The following PABPC4L variants were observed in gnomAD, a reference collection of about 807,000 sequenced individuals.
PABPC4L encodes the protein poly(A) binding protein cytoplasmic 4 like, also known as polyadenylate-binding protein 4-like.
For missense variants in PABPC4L, 452 were observed against 451.4 expected, an observed-to-expected ratio of 1.00 and a Z score of -0.01; for synonymous variants, 169 against 164.1, an observed-to-expected ratio of 1.03 and a Z score of -0.23.
At chr4:134,108,502 A>G in the PABPC4L span, among the ~76,000 whole-genome samples, 1 of 151,934 alleles carries the variant, frequency 6.6e-6, no homozygotes, top group African/African-American at 2.4e-5. Context: ...GACCAATTCA[A>G]GAATAAAAAT....
the PABPC4L span, among the ~76,000 whole-genome samples, chr4:133,966,433 G>A: frequency 9.8e-5 from 15 of 152,286 alleles, no homozygotes; most frequent in East Asian, 2.7e-3. Flanking sequence ...ACTACCATTT[G>A]AACCAGCAAT....
At chr4:134,138,198 C>T in the PABPC4L span, among the ~76,000 whole-genome samples, 1 of 151,752 alleles carries the variant, frequency 6.6e-6, no homozygotes, top group South Asian at 2.1e-4. Context: ...TATCTACTTT[C>T]TGACTTATTA....
At chr4:134,151,465 G>A in the PABPC4L span, among the ~76,000 whole-genome samples, 1 of 151,890 alleles carries the variant, frequency 6.6e-6, no homozygotes, top group Non-Finnish European at 1.5e-5. Flanking sequence ...GAGAGGTGTG[G>A]AAAACTTTTC....
chr4:134,130,566 G>A, the PABPC4L span, among the ~76,000 whole-genome samples: 1 of 151,840 alleles, frequency 6.6e-6, no homozygotes, highest in South Asian at 2.1e-4. Flanking sequence ...AAAAGGCCAG[G>A]CCCAGAGAGA....
At chr4:134,089,149 A>G in the PABPC4L span, among the ~76,000 whole-genome samples, 7 of 152,104 alleles carry the variant, frequency 4.6e-5, no homozygotes, top group Non-Finnish European at 7.4e-5. Flanking sequence ...GCTAATAGTA[A>G]CTAAAGTTTG....
the PABPC4L span, among the ~76,000 whole-genome samples, chr4:133,949,118 G>C: frequency 6.6e-6 from 1 of 152,050 alleles, no homozygotes; most frequent in African/African-American, 2.4e-5. Flanking sequence ...GTGGCATGGG[G>C]GCCCTTATAT....
chr4:133,990,706 C>A, the PABPC4L span, among the ~76,000 whole-genome samples: 1 of 152,248 alleles, frequency 6.6e-6, no homozygotes, highest in East Asian at 1.9e-4. Context: ...TTGGTGCAAA[C>A]ACAATTTGTG....
chr4:134,149,146 C>T, the PABPC4L span, among the ~76,000 whole-genome samples: 4 of 152,050 alleles, frequency 2.6e-5, no homozygotes, highest in Non-Finnish European at 5.9e-5. Flanking sequence ...ATTAATCAGT[C>T]AATGTGTTAA....
the PABPC4L span, among the ~76,000 whole-genome samples, chr4:134,079,011 G>A: frequency 2.5e-5 from 3 of 119,880 alleles, no homozygotes; most frequent in East Asian, 7.8e-4. Flanking sequence ...TTGCTCTGTC[G>A]CCCAGGCTGG....
the PABPC4L span, among the ~76,000 whole-genome samples, chr4:134,061,846 GAAGAAAGA>G: frequency 6.6e-6 from 1 of 150,832 alleles, no homozygotes; most frequent in African/African-American, 2.4e-5. Flanking sequence ...AAAAGAAAAA[GAAGAAAGA>G]AGGAAAGAAA....
At chr4:134,144,733 T>C in the PABPC4L span, among the ~76,000 whole-genome samples, 1 of 151,792 alleles carries the variant, frequency 6.6e-6, no homozygotes, top group African/African-American at 2.4e-5. Context: ...TGCCTTTAGA[T>C]CTATTTTCAT....
the PABPC4L span, among the ~76,000 whole-genome samples, chr4:134,044,251 A>G: frequency 6.6e-6 from 1 of 150,958 alleles, no homozygotes; most frequent in Admixed American, 6.6e-5. Context: ...AATTTAATAT[A>G]TTTTACTTTT....
At chr4:134,171,998 T>A in the PABPC4L span, among the ~76,000 whole-genome samples, 2 of 151,722 alleles carry the variant, frequency 1.3e-5, no homozygotes, top group African/African-American at 4.8e-5. Flanking sequence ...TACAAACCAG[T>A]GCTCAAAAAA....
the PABPC4L span, among the ~76,000 whole-genome samples, chr4:134,127,452 C>T: frequency 3.3e-5 from 5 of 152,186 alleles, no homozygotes; most frequent in Admixed American, 3.3e-4. Context: ...GAATGAGAGA[C>T]CTGAAGACGG....
At chr4:133,960,758 G>A in the PABPC4L span, among the ~76,000 whole-genome samples, 1 of 152,140 alleles carries the variant, frequency 6.6e-6, no homozygotes, top group East Asian at 1.9e-4. Flanking sequence ...TCTTCAGATT[G>A]CATGGGAGCT....
At chr4:134,131,227 C>A in the PABPC4L span, among the ~76,000 whole-genome samples, 1 of 151,870 alleles carries the variant, frequency 6.6e-6, no homozygotes, top group Non-Finnish European at 1.5e-5. Context: ...TAAAGGGCAT[C>A]CAAATCAATG....
chr4:134,031,828 T>C, the PABPC4L span, among the ~76,000 whole-genome samples: 1 of 151,882 alleles, frequency 6.6e-6, no homozygotes, highest in African/African-American at 2.4e-5. Context: ...AAATATTTGT[T>C]GAATGAATGA....
chr4:134,070,189 A>G, the PABPC4L span, among the ~76,000 whole-genome samples: 1 of 151,812 alleles, frequency 6.6e-6, no homozygotes, highest in African/African-American at 2.4e-5. Flanking sequence ...AACGTGCTGC[A>G]TTGGTGGGGC....
At chr4:133,963,481 G>A in the PABPC4L span, among the ~76,000 whole-genome samples, 1 of 151,968 alleles carries the variant, frequency 6.6e-6, no homozygotes, top group Non-Finnish European at 1.5e-5. Flanking sequence ...ATATACCTTG[G>A]AATGAATGGA....
Sources: allele counts gnomAD v4.1 joint callset (sites outside exome capture counted in the v4.1 genomes callset), GRCh38; gene constraint gnomAD v4.1.1; transcripts MANE v1.5; gene names NCBI Gene and HGNC (gene_info 2026-07-23, HGNC 2026-07-21).